TSPAN15: variants seen among roughly 807,000 people sequenced by gnomAD.
TSPAN15 encodes tetraspanin 15.
TSPAN15 carries 20 observed loss-of-function variants against 34.5 expected under a neutral mutation model. The ratio of observed to expected loss-of-function variants is 0.58; its 90% CI spans 0.41 to 0.84. The LOEUF (loss-of-function observed/expected upper bound fraction) is 0.84, where lower values mean the gene tolerates loss of function less well. Among genes scored for constraint, TSPAN15 ranks in the 40% least tolerant of loss-of-function variants. The probability of loss-of-function intolerance (pLI) is 0.00; values close to 1 mark genes in which losing one functional copy is unlikely to be tolerated. For synonymous variants in TSPAN15, 155 were observed against 153.9 expected (o/e 1.01, Z -0.05); for missense variants, 313 against 386.1 (o/e 0.81, Z 1.59).
intron 1 of TSPAN15, among the ~76,000 whole-genome samples, chr10:69,482,639 C>T (rs990825144): frequency 3.9e-5 from 6 of 152,152 alleles, no homozygotes; most frequent in East Asian, 3.9e-4. Flanking sequence ...TCGCGAAAGC[C>T]GTGGTGTGAG....
chr10:69,495,314 G>A, intron 3 of TSPAN15: 1 of 367,730 alleles, frequency 2.7e-6, no homozygotes, highest in Non-Finnish European at 5.0e-6. Context: ...AGCCTCTCAG[G>A]GCCTGGGCTG....
downstream of TSPAN15, among the ~76,000 whole-genome samples, chr10:69,508,063 C>G (rs183316321): frequency 1.3e-5 from 2 of 152,072 alleles, no homozygotes; most frequent in African/African-American, 2.4e-5. Flanking sequence ...CCGGGACTTG[C>G]GTGCGTCAGT....
chr10:69,471,260 T>C (rs1412881078), intron 1 of TSPAN15, among the ~76,000 whole-genome samples: 3 of 151,750 alleles, frequency 2.0e-5, no homozygotes, highest in African/African-American at 7.2e-5. Context: ...GGGTTCCCCT[T>C]TCAGGGGCTC....
the TSPAN15 span, among the ~76,000 whole-genome samples, chr10:69,535,371 T>C: frequency 6.6e-6 from 1 of 152,160 alleles, no homozygotes; most frequent in Non-Finnish European, 1.5e-5. Context: ...GTAATAATTA[T>C]AATGGACTGA....
In TSPAN15 at chr10:69,483,849, C is replaced by T; in HGVS notation, c.255C>T (p.Leu85=). 6.2e-7 allele frequency: 1 copy of T among 1,613,960 alleles called. No individual in the cohort carries two copies. The part of the protein sequence containing the change: ...MVSFIGVLAS[L]RDNLYLLQAF... ...CCTTCATTGGTGTGCTGGCGTCCCT[C>T]CGTGACAACCTGTACCTTCTCCAAG... The change falls in exon 2 of 8, where the codon CTC becomes CTT. Residue 85 remains leucine (L), a synonymous_variant. Coordinates refer to ENST00000373290, the MANE Select transcript of TSPAN15 (RefSeq NM_012339.5).
chr10:69,517,217 T>G, the TSPAN15 span, among the ~76,000 whole-genome samples: 1 of 152,158 alleles, frequency 6.6e-6, no homozygotes, highest in Non-Finnish European at 1.5e-5. Flanking sequence ...CTCCTCCATC[T>G]GCCAAAGTCA....
At chr10:69,537,517 G>A in the TSPAN15 span, among the ~76,000 whole-genome samples, 1 of 152,106 alleles carries the variant, frequency 6.6e-6, no homozygotes. Context: ...CCTTGCTCCA[G>A]CCCTCTCTCC....
At chr10:69,509,110 A>G (rs887923338), downstream of TSPAN15, among the ~76,000 whole-genome samples, 5 of 152,220 alleles carry the variant, frequency 3.3e-5, no homozygotes, top group African/African-American at 1.2e-4. Context: ...TAGGGGCAGC[A>G]GGATGGCAGA....
At chr10:69,549,373 A>G in the TSPAN15 span, among the ~76,000 whole-genome samples, 1 of 152,286 alleles carries the variant, frequency 6.6e-6, no homozygotes, top group South Asian at 2.1e-4. Flanking sequence ...ACTGTCTTAT[A>G]CACTCCTTCC....
In TSPAN15 at chr10:69,451,558, C is replaced by T; in HGVS notation, c.-37C>T. On this transcript the variant is annotated 5_prime_UTR_variant, in exon 1 of 8. Transcript: ENST00000373290. Reference sequence around the variant, plus strand: ...TGGCTGAGGGACCGAGCCGGAGAGCCCCGGAGCCCCCGTAACCCGCGCGGG... The same window carrying T: ...TGGCTGAGGGACCGAGCCGGAGAGCTCCGGAGCCCCCGTAACCCGCGCGGG... The T allele has an allele frequency of 3.6e-6, 5 of 1,386,828 alleles. No individual in the cohort carries two copies. Among genetic ancestry groups the T allele is most frequent in the Admixed American group, 3.2e-5 (1 of 31,698 alleles). 85.9% of individuals were successfully genotyped at this position (1,386,828 alleles called of 1,614,324 possible).
At chr10:69,515,323 C>A in the TSPAN15 span, among the ~76,000 whole-genome samples, 1 of 152,158 alleles carries the variant, frequency 6.6e-6, no homozygotes, top group Admixed American at 6.5e-5. Context: ...ACCACTCTAG[C>A]CTCAGTCCTG....
chr10:69,531,912 G>T, the TSPAN15 span, among the ~76,000 whole-genome samples: 2 of 141,016 alleles, frequency 1.4e-5, no homozygotes, highest in African/African-American at 5.2e-5. Context: ...TTACATAGCT[G>T]CAAAACAAAC....
chr10:69,467,865 A>G (rs565623983), intron 1 of TSPAN15, among the ~76,000 whole-genome samples: 3 of 142,586 alleles, frequency 2.1e-5, no homozygotes, highest in African/African-American at 7.6e-5. Context: ...CAGTTTATAC[A>G]TTGCGTTGGG....
intron 1 of TSPAN15, among the ~76,000 whole-genome samples, chr10:69,478,308 T>G (rs114302540): frequency 0.019 from 2,862 of 152,262 alleles, 106 homozygotes; most frequent in African/African-American, 0.066. Flanking sequence ...TAGTCCCACT[T>G]TATTCAAAAC....
At chr10:69,528,052 C>T in the TSPAN15 span, among the ~76,000 whole-genome samples, 5 of 148,238 alleles carry the variant, frequency 3.4e-5, 1 homozygote, top group Non-Finnish European at 7.4e-5. Flanking sequence ...TGGCCTGGCG[C>T]ACTGCACTCA....
intron 1 of TSPAN15, among the ~76,000 whole-genome samples, chr10:69,469,538 T>C (rs1429053903): frequency 2.6e-5 from 4 of 152,060 alleles, no homozygotes; most frequent in Admixed American, 2.6e-4. Flanking sequence ...CTGCAACCTC[T>C]ACCTCCCAGG....
the TSPAN15 span, among the ~76,000 whole-genome samples, chr10:69,536,805 C>G: frequency 6.6e-6 from 1 of 151,822 alleles, no homozygotes; most frequent in African/African-American, 2.4e-5. Context: ...ACCAACACGG[C>G]GAAACCCCGT....
At chr10:69,504,369 G>T in intron 5 of TSPAN15, 69 bp from the exon 6 acceptor site, 1 of 1,469,300 alleles carries the variant, frequency 6.8e-7, no homozygotes. Flanking sequence ...CTGTAAAATG[G>T]GTAGGATAAT....
chr10:69,495,752 C>CA, intron 4 of TSPAN15, 63 bp downstream of exon 4: 1 of 1,197,674 alleles, frequency 8.3e-7, no homozygotes, highest in Non-Finnish European at 1.2e-6. Context: ...ATTCAGGCCC[C>CA]TGCTCAAGAA....
Sources: allele counts gnomAD v4.1 joint callset (sites outside exome capture counted in the v4.1 genomes callset), GRCh38; gene constraint gnomAD v4.1.1; transcripts MANE v1.5; gene names NCBI Gene and HGNC (gene_info 2026-07-23, HGNC 2026-07-21).